Variants in PIWIL2 observed in about 807,000 individuals in gnomAD.
PIWIL2 encodes piwi-like protein 2.
In PIWIL2, 81 loss-of-function variants were observed where a neutral mutation model predicts 116.5. That is an observed-to-expected ratio of 0.70 (90% confidence interval 0.58 to 0.84). The LOEUF is 0.84. PIWIL2 is among the 40% of genes least tolerant of loss of function. The probability of loss-of-function intolerance (pLI) is 0.00; values close to 1 mark genes in which losing one functional copy is unlikely to be tolerated. For missense variants in PIWIL2, 1,272 were observed against 1,212.3 expected (o/e 1.05, Z -0.73); for synonymous variants, 489 against 429.5 (o/e 1.14, Z -1.71).
At chr8:22,282,327 C>A (rs1168483264) in intron 4 of PIWIL2, among the ~76,000 whole-genome samples, 3 of 138,924 alleles carry the variant, frequency 2.2e-5, no homozygotes, top group African/African-American at 8.2e-5. Context: ...TCTTGGCTCA[C>A]TGCAACCTCC....
intron 20 of PIWIL2, among the ~76,000 whole-genome samples, chr8:22,319,148 A>G (rs1831537093): frequency 1.3e-5 from 2 of 152,362 alleles, no homozygotes; most frequent in South Asian, 4.1e-4. Context: ...GGTCAGGGTT[A>G]GACCTTAACC....
At chr8:22,316,771 C>G (rs1170389391) in intron 19 of PIWIL2, among the ~76,000 whole-genome samples, 1 of 151,814 alleles carries the variant, frequency 6.6e-6, no homozygotes, top group Non-Finnish European at 1.5e-5. Context: ...CGTGAGCCAT[C>G]ATGCCCGGCT....
intron 10 of PIWIL2, among the ~76,000 whole-genome samples, chr8:22,294,899 GGAAAAAAAAAAAAA>G (rs1410463592): frequency 4.0e-4 from 32 of 79,418 alleles, no homozygotes; most frequent in Non-Finnish European, 5.9e-4. Context: ...CATCTTTACT[GGAAAAAAAAAAAAA>G]AAAAAAAAAA....
At chr8:22,333,921 G>A (rs1165046240) in intron 20 of PIWIL2, among the ~76,000 whole-genome samples, 1 of 151,720 alleles carries the variant, frequency 6.6e-6, no homozygotes, top group Non-Finnish European at 1.5e-5. Flanking sequence ...AGAGAATAAG[G>A]AGGAAGGGCA....
At position 22,288,669 on chromosome 8, in the gene PIWIL2, A is replaced by T. The variant is rs187727799; in HGVS notation, c.986+3A>T. 1.2e-6 allele frequency: 2 copies of T among 1,606,404 alleles called. No homozygotes were observed. The highest frequency in any genetic ancestry group is 3.4e-5 in the Admixed American group (2 of 58,012). On this transcript the variant is annotated splice_donor_region_variant and intron_variant, in intron 8 of 22. Coordinates refer to ENST00000356766, the MANE Select transcript of PIWIL2 (RefSeq NM_018068.5). ...TTCTACAATGTTGTTTTCCGTCGGT[A>T]AGAAAACAGCTGAAGTTCTATTGTC...
rs1353665757 is a variant in PIWIL2, at chr8:22,303,959, A to G, written c.1182-62A>G. 10 of 1,037,678 alleles carry G rather than the reference A, an allele frequency of 9.6e-6. No individual in the cohort carries two copies. In the East Asian group the frequency reaches 2.0e-4, roughly 20 times the overall value. 64.3% of individuals were successfully genotyped at this position (1,037,678 alleles called of 1,614,324 possible). ...AGATTCCTCAATTACTTGATCCCCT[A>G]TCCCTTTCATACTGTTCTGGATATA... On this transcript the variant is annotated intron_variant, in intron 10 of 22. Transcript: ENST00000356766.
intron 7 of PIWIL2, 83 bp downstream of exon 7, chr8:22,287,728 T>A: frequency 1.1e-6 from 1 of 877,030 alleles, no homozygotes; most frequent in African/African-American, 1.6e-5. Flanking sequence ...TTTAAGAGAT[T>A]GGGTCTTGCT....
In PIWIL2 at chr8:22,311,118, A is replaced by G. The variant is rs1249562565; in HGVS notation, c.1807A>G (p.Met603Val). 3.1e-6 allele frequency: 5 copies of G among 1,609,376 alleles called. No individual in the cohort carries two copies. The highest frequency in any genetic ancestry group is 2.7e-5 in the African/African-American group (2 of 74,774). Residue 603 changes from methionine (M) to valine (V), a missense_variant, in exon 16 of 23, where the codon ATG becomes GTG. Transcript: ENST00000356766. ...AGCTCTTGGTTGTTCCTAGATCCCCATGCATTTCTGGGCACTTTTTTACCC... is the reference window on the plus strand; with the variant it reads ...AGCTCTTGGTTGTTCCTAGATCCCCGTGCATTTCTGGGCACTTTTTTACCC... ...TRDPSILTIP[M>V]HFWALFYPKR...
chr8:22,283,042 G>A lies in PIWIL2; in HGVS notation c.434G>A (p.Gly145Glu), dbSNP rs1586533264. ...CTCTCTCCACATTTCAGGACGCTTG[G>A]AAGAGGGAGTTCAGATGCGTCTTTA... is the stretch of plus-strand genomic sequence containing the variant. Reference protein sequence around the residue: ...ETSVGWSRTLGRGSSDASLLP... With the variant: ...ETSVGWSRTLERGSSDASLLP... The change falls in exon 5 of 23, where the codon GGA becomes GAA. Residue 145 changes from glycine (G) to glutamate (E), a missense_variant. Transcript: ENST00000356766. The A allele has an allele frequency of 4.3e-6, 7 of 1,613,920 alleles. No individual in the cohort carries two copies. The highest frequency in any genetic ancestry group is 1.1e-5 in the South Asian group (1 of 91,080).
intron 20 of PIWIL2, 161 bp from the exon 21 acceptor site, chr8:22,352,798 T>C (rs536187215): frequency 6.2e-6 from 4 of 640,344 alleles, no homozygotes; most frequent in South Asian, 2.6e-5. Flanking sequence ...TAGAAATGAT[T>C]AGAAGCTTTT....
chr8:22,336,031 T>A (rs1253413032), intron 20 of PIWIL2, among the ~76,000 whole-genome samples: 5 of 152,050 alleles, frequency 3.3e-5, no homozygotes, highest in African/African-American at 1.2e-4. Context: ...AAGGGAGAAA[T>A]AGGCAATTCA....
At chr8:22,338,177 T>C (rs1167074997) in intron 20 of PIWIL2, among the ~76,000 whole-genome samples, 1 of 151,822 alleles carries the variant, frequency 6.6e-6, no homozygotes, top group Non-Finnish European at 1.5e-5. Context: ...TAAGACGCAA[T>C]ATTGAGAAGA....
chr8:22,279,109 C>G (rs1039966788), intron 1 of PIWIL2, among the ~76,000 whole-genome samples: 1 of 137,604 alleles, frequency 7.3e-6, no homozygotes, highest in African/African-American at 2.5e-5. Context: ...AAATTATCTT[C>G]CAGGAAACCA....
intron 14 of PIWIL2, among the ~76,000 whole-genome samples, 153 bp from the exon 15 acceptor site, chr8:22,309,808 C>T (rs1360813283): frequency 6.6e-6 from 1 of 152,200 alleles, no homozygotes; most frequent in East Asian, 1.9e-4. Context: ...GGGACTTTCA[C>T]TGCTAGAAGC....
At chr8:22,334,757 AATTAAG>A (rs1403778822) in intron 20 of PIWIL2, among the ~76,000 whole-genome samples, 1 of 151,912 alleles carries the variant, frequency 6.6e-6, no homozygotes, top group East Asian at 1.9e-4. Context: ...GATTATTGTA[AATTAAG>A]ATGTTAATTT....
chr8:22,314,615 C>T (rs1457282990), intron 17 of PIWIL2, among the ~76,000 whole-genome samples, 186 bp downstream of exon 17: 1 of 152,154 alleles, frequency 6.6e-6, no homozygotes, highest in Non-Finnish European at 1.5e-5. Context: ...TCATAAGCTG[C>T]CCTCATGCTT....
intron 20 of PIWIL2, among the ~76,000 whole-genome samples, chr8:22,333,426 A>G (rs1318316110): frequency 2.0e-5 from 3 of 152,094 alleles, no homozygotes; most frequent in African/African-American, 7.3e-5. Flanking sequence ...AGCCTGACCA[A>G]CATGGAGAAA....
intron 10 of PIWIL2, among the ~76,000 whole-genome samples, chr8:22,300,383 G>A (rs1040105527): frequency 6.6e-6 from 1 of 152,112 alleles, no homozygotes; most frequent in Non-Finnish European, 1.5e-5. Context: ...GTTCCATTTT[G>A]TGGCTCTACC....
chr8:22,327,739 A>G (rs571387431), intron 20 of PIWIL2, among the ~76,000 whole-genome samples: 7 of 152,178 alleles, frequency 4.6e-5, no homozygotes, highest in African/African-American at 9.6e-5. Context: ...GATGTTGAAC[A>G]TCCTTCATGT....
Sources: allele counts gnomAD v4.1 joint callset (sites outside exome capture counted in the v4.1 genomes callset), GRCh38; gene constraint gnomAD v4.1.1; transcripts MANE v1.5; gene names NCBI Gene and HGNC (gene_info 2026-07-23, HGNC 2026-07-21).